The following BRD4 variants were observed in gnomAD, a reference collection of about 807,000 sequenced individuals.
The protein encoded by BRD4 is bromodomain-containing protein 4.
In BRD4, 16 loss-of-function variants were observed where a neutral mutation model predicts 142.1. The observed-to-expected ratio is 0.11, with a 90% CI of 0.08 to 0.17. The LOEUF (loss-of-function observed/expected upper bound fraction) is 0.17. BRD4 is among the 10% of genes least tolerant of loss of function. The pLI is 1.00. For missense variants in BRD4, 1,424 were observed against 1,810.9 expected (o/e 0.79, Z 3.88); for synonymous variants, 833 against 707.5 (o/e 1.18, Z -2.82).
rs570255054 is a variant in BRD4 at position 15,240,089 on chromosome 19, G to A, written c.3170-67C>T. 622 of 1,536,114 alleles carry A rather than the reference G, an allele frequency of 4.0e-4. 1 individual carries two copies. The highest frequency in any genetic ancestry group is 5.0e-4 in the Non-Finnish European group (574 of 1,141,564). On this transcript the variant is annotated intron_variant, in intron 14 of 19. Transcript: ENST00000679869. Reference sequence around the variant, plus strand: ...AACTGCTGGCCCTGAGAGAATTGTCGGGAAGGAAAACGTGGGCTGTATGGA... The same window carrying A: ...AACTGCTGGCCCTGAGAGAATTGTCAGGAAGGAAAACGTGGGCTGTATGGA...
chr19:15,301,042 T>C (rs1014178710), intron 1 of BRD4, among the ~76,000 whole-genome samples: 2 of 152,136 alleles, frequency 1.3e-5, no homozygotes, highest in East Asian at 3.8e-4. Flanking sequence ...GTCCTTCAAC[T>C]GAGAAATGCA....
intron 1 of BRD4, among the ~76,000 whole-genome samples, chr19:15,313,196 C>A (rs1436511205): frequency 1.3e-5 from 2 of 149,388 alleles, no homozygotes; most frequent in African/African-American, 4.9e-5. Context: ...ACGGTGAAAC[C>A]CCGTCTCTCT....
chr19:15,264,294 C>A, intron 6 of BRD4, 110 bp downstream of exon 6: 2 of 1,432,726 alleles, frequency 1.4e-6, no homozygotes, highest in Non-Finnish European at 1.9e-6. Flanking sequence ...ATCCACGCAG[C>A]CACCGTTCCA....
At chr19:15,252,738 C>T (rs537633417) in intron 11 of BRD4, among the ~76,000 whole-genome samples, 1 of 152,332 alleles carries the variant, frequency 6.6e-6, no homozygotes, top group African/African-American at 2.4e-5. Context: ...ATTCTGCATG[C>T]AGTTGTGGTA....
chr19:15,257,442 C>CTTTTTT, intron 7 of BRD4: 1 of 499,996 alleles, frequency 2.0e-6, no homozygotes, highest in Non-Finnish European at 3.6e-6. Flanking sequence ...GGACACCGCC[C>CTTTTTT]AGGCAAGGAC....
chr19:15,275,123 T>A (rs1383551040), intron 1 of BRD4, among the ~76,000 whole-genome samples: 1 of 152,004 alleles, frequency 6.6e-6, no homozygotes, highest in African/African-American at 2.4e-5. Flanking sequence ...CCTCCCAAAT[T>A]GCTGGGGTTA....
intron 1 of BRD4, among the ~76,000 whole-genome samples, chr19:15,328,115 G>A (rs2048125495): frequency 6.6e-6 from 1 of 152,028 alleles, no homozygotes. Flanking sequence ...CAATAAACGT[G>A]GAGGATGAAC....
chr19:15,256,006 C>T, intron 9 of BRD4, 58 bp downstream of exon 9: 1 of 1,598,596 alleles, frequency 6.3e-7, no homozygotes, highest in African/African-American at 1.4e-5. Context: ...CCCACACAGT[C>T]TCAGAGCAAG....
intron 7 of BRD4, among the ~76,000 whole-genome samples, chr19:15,263,116 A>G (rs1269252511): frequency 6.6e-6 from 1 of 151,866 alleles, no homozygotes; most frequent in Non-Finnish European, 1.5e-5. Context: ...CCCCCAACCC[A>G]CTTGAGACAG....
chr19:15,271,527 C>T (rs1003479108), intron 2 of BRD4, among the ~76,000 whole-genome samples: 2 of 152,200 alleles, frequency 1.3e-5, no homozygotes, highest in Non-Finnish European at 2.9e-5. Flanking sequence ...GGCCTCACAA[C>T]GCTCTGGGTT....
intron 1 of BRD4, among the ~76,000 whole-genome samples, chr19:15,274,460 G>A (rs1260689090): frequency 6.6e-6 from 1 of 152,182 alleles, no homozygotes; most frequent in Non-Finnish European, 1.5e-5. Flanking sequence ...ATGCCATTCA[G>A]TTTGGTTTCT....
intron 1 of BRD4, among the ~76,000 whole-genome samples, chr19:15,296,738 T>C (rs2047826098): frequency 1.3e-5 from 2 of 152,232 alleles, no homozygotes; most frequent in Admixed American, 6.5e-5. Context: ...GAGCTTTAAG[T>C]TGGAAAATCC....
rs778524619 is a variant in BRD4 at position 15,332,501 on chromosome 19, A to AGCCGCC, written c.-252_-247dup. ...TGCGGGAGACCAGAACAAACAGCCC[A>AGCCGCC]GCCGCCGCCGCCGCCGCCGCCGCCG... On this transcript the variant is annotated 5_prime_UTR_variant, in exon 1 of 20. Transcript: ENST00000679869. The AGCCGCC allele has an allele frequency of 0.1, 16,294 of 156,828 alleles. 913 individuals carry two copies. Among genetic ancestry groups the AGCCGCC allele is most frequent in the Non-Finnish European group, 0.12 (9,236 of 77,504 alleles). 9.7% of individuals were successfully genotyped at this position (156,828 alleles called of 1,614,324 possible). A position where few individuals can be genotyped will look rare whatever the true frequency, so the allele number is the denominator to read the frequency against.
rs1228557606 is a variant in BRD4 at position 15,239,322 on chromosome 19, T to C, written c.3577-58A>G. On this transcript the variant is annotated intron_variant, in intron 17 of 19. Coordinates refer to ENST00000679869, the MANE Select transcript of BRD4 (RefSeq NM_001379291.1). The surrounding 1 kb of genome is among the most constrained non-coding windows in gnomAD (Gnocchi z 7.4). ...GTCTGCTGTGCCTAAAGGGCATAGC[T>C]GGGGGTGTGCCCAGCATGGCACCTT... 1.9e-6 allele frequency: 3 copies of C among 1,613,376 alleles called. No homozygotes were observed. The highest frequency in any genetic ancestry group is 2.5e-6 in the Non-Finnish European group (3 of 1,179,898).
intron 1 of BRD4, among the ~76,000 whole-genome samples, chr19:15,301,477 C>G (rs1227841649): frequency 1.3e-5 from 2 of 151,612 alleles, no homozygotes; most frequent in Non-Finnish European, 2.9e-5. Flanking sequence ...AGGAGAATCA[C>G]TTGAACCCGA....
chr19:15,302,777 G>A (rs899510565), intron 1 of BRD4, among the ~76,000 whole-genome samples: 15 of 151,624 alleles, frequency 9.9e-5, no homozygotes, highest in Non-Finnish European at 1.9e-4. Flanking sequence ...AGGCCGAGGC[G>A]GGCGCATCAC....
intron 1 of BRD4, among the ~76,000 whole-genome samples, chr19:15,330,176 C>G (rs1296038906): frequency 6.6e-6 from 1 of 152,204 alleles, no homozygotes; most frequent in East Asian, 1.9e-4. Flanking sequence ...GACTCGACTC[C>G]TTCCAATTAA....
chr19:15,277,947 A>G (rs1385135801), intron 1 of BRD4, among the ~76,000 whole-genome samples: 1 of 151,412 alleles, frequency 6.6e-6, no homozygotes, highest in Admixed American at 6.6e-5. Context: ...TCTACTAAAA[A>G]TACAAAAAAT....
At chr19:15,254,310 A>C in intron 10 of BRD4, 48 bp from the exon 11 acceptor site, 1 of 1,475,332 alleles carries the variant, frequency 6.8e-7, no homozygotes, top group Non-Finnish European at 9.5e-7. Context: ...GTGGCCCAGG[A>C]AGCCGCTCTA....
Sources: allele counts gnomAD v4.1 joint callset (sites outside exome capture counted in the v4.1 genomes callset), GRCh38; gene constraint gnomAD v4.1.1; non-coding constraint Gnocchi (gnomAD v3.1); transcripts MANE v1.5; gene names NCBI Gene and HGNC (gene_info 2026-07-23, HGNC 2026-07-21).